The following MSI2 variants were observed in gnomAD, a reference collection of about 807,000 sequenced individuals.
The protein encoded by MSI2 is musashi RNA binding protein 2, also known as RNA-binding protein Musashi homolog 2.
MSI2 carries 17 observed loss-of-function variants against 45.6 expected under a neutral mutation model. The observed-to-expected ratio is 0.37, with a 90% CI of 0.26 to 0.56. MSI2 has a LOEUF of 0.56. Among genes scored for constraint, MSI2 ranks in the 20% least tolerant of loss-of-function variants. The pLI is 0.77. For synonymous variants in MSI2, 156 were observed against 158.2 expected, an observed-to-expected ratio of 0.99 and a Z score of 0.11; for missense variants, 293 against 444.2, an observed-to-expected ratio of 0.66 and a Z score of 3.06.
rs1907647233 is a variant in MSI2, at chr17:57,615,970, G to A, written c.538G>A (p.Val180Ile). 1 of 1,611,594 alleles carries A rather than the reference G, an allele frequency of 6.2e-7. No homozygotes were observed. The highest frequency in any genetic ancestry group is 8.5e-7 in the Non-Finnish European group (1 of 1,177,904). Reference protein sequence around the residue: ...IHFHEINNKMVECKKAQPKEV... With the variant: ...IHFHEINNKMIECKKAQPKEV... ...ATTTGTTCGCCTTTCTGTTTAACAG[G>A]TAGAATGTAAGAAAGCTCAGCCGAA... The change falls in exon 9 of 14, where the codon GTA becomes ATA. Residue 180 changes from valine (V) to isoleucine (I), a missense_variant and splice_region_variant. Val to Ile is a conservative substitution (Grantham distance 29, BLOSUM62 3). Transcript: ENST00000284073.
intron 11 of MSI2, among the ~76,000 whole-genome samples, chr17:57,663,635 G>A (rs1012967520): frequency 6.6e-6 from 1 of 152,212 alleles, no homozygotes; most frequent in African/African-American, 2.4e-5. Flanking sequence ...AGAAAAGACA[G>A]ACACACAGCA....
intron 6 of MSI2, among the ~76,000 whole-genome samples, chr17:57,492,519 C>T (rs1223215407): frequency 3.9e-5 from 6 of 152,152 alleles, no homozygotes; most frequent in East Asian, 1.9e-4. Flanking sequence ...CTTCAGCAGC[C>T]GCTGAGTACA....
At chr17:57,429,129 C>T (rs1299105637) in intron 6 of MSI2, among the ~76,000 whole-genome samples, 1 of 152,114 alleles carries the variant, frequency 6.6e-6, no homozygotes, top group Non-Finnish European at 1.5e-5. Flanking sequence ...TGCGTGTCCT[C>T]AGTCTAACCC....
intron 6 of MSI2, among the ~76,000 whole-genome samples, chr17:57,471,030 G>C (rs2085425284): frequency 1.3e-5 from 2 of 152,202 alleles, no homozygotes. Context: ...GCCCAAGGTT[G>C]CTTCTGGCCC....
intron 6 of MSI2, among the ~76,000 whole-genome samples, chr17:57,437,506 C>T (rs1440617644): frequency 6.6e-6 from 1 of 152,074 alleles, no homozygotes; most frequent in Non-Finnish European, 1.5e-5. Flanking sequence ...TGGGGACATG[C>T]CTGGAGGGAC....
intron 7 of MSI2, among the ~76,000 whole-genome samples, chr17:57,594,006 C>G (rs756213144): frequency 6.6e-6 from 1 of 152,190 alleles, no homozygotes; most frequent in African/African-American, 2.4e-5. Flanking sequence ...GAAGGAAGAG[C>G]GGAATCAGTC....
chr17:57,365,354 G>A (rs1917116288), intron 5 of MSI2, among the ~76,000 whole-genome samples: 1 of 152,230 alleles, frequency 6.6e-6, no homozygotes, highest in Admixed American at 6.5e-5. Context: ...CCATTCGTTT[G>A]TTCTACCAAC....
Position 57,652,754 on chromosome 17 carries a change from C to A in MSI2, c.790+593C>A, listed in dbSNP as rs530856351. ...CCAGCTGCCAAGGGAATTGGGCTTT[C>A]TGTCCCATGAGGTTGCTCCAGTCCT... On this transcript the variant is annotated intron_variant, in intron 11 of 13. Transcript: ENST00000284073. This position sits in a 1 kb window ranked among gnomAD's most constrained non-coding sequence, Gnocchi z 4.1. Among the ~76,000 whole-genome samples the A allele has an allele frequency of 6.6e-6, 1 of 152,392 alleles. No individual in the cohort carries two copies. The highest frequency in any genetic ancestry group is 1.5e-5 in the Non-Finnish European group (1 of 68,036).
At chr17:57,371,910 G>GAT (rs1246636039) in intron 5 of MSI2, among the ~76,000 whole-genome samples, 9 of 150,802 alleles carry the variant, frequency 6.0e-5, no homozygotes, top group African/African-American at 2.2e-4. Flanking sequence ...ATATATATGA[G>GAT]ATATATAATC....
intron 5 of MSI2, among the ~76,000 whole-genome samples, chr17:57,317,145 G>T (rs1478871184): frequency 6.6e-6 from 1 of 152,140 alleles, no homozygotes; most frequent in Non-Finnish European, 1.5e-5. Context: ...ATCTCTGATA[G>T]GTTGGAAGAA....
intron 6 of MSI2, among the ~76,000 whole-genome samples, chr17:57,446,094 C>T (rs1344220600): frequency 6.6e-5 from 10 of 151,994 alleles, no homozygotes; most frequent in Non-Finnish European, 1.0e-4. Flanking sequence ...TTACTGATAC[C>T]GATCGGTGCA....
At chr17:57,532,519 GAA>G (rs887756682) in intron 7 of MSI2, among the ~76,000 whole-genome samples, 2 of 152,078 alleles carry the variant, frequency 1.3e-5, no homozygotes, top group South Asian at 4.1e-4. Flanking sequence ...TGAAGAGAGT[GAA>G]AAAAAATTTT....
chr17:57,541,054 A>C (rs1346868398), intron 7 of MSI2, among the ~76,000 whole-genome samples: 1 of 152,174 alleles, frequency 6.6e-6, no homozygotes, highest in Non-Finnish European at 1.5e-5. Flanking sequence ...GCAACTGAGA[A>C]CACAGCCCCC....
At chr17:57,322,934 G>A (rs550295810) in intron 5 of MSI2, among the ~76,000 whole-genome samples, 2 of 152,164 alleles carry the variant, frequency 1.3e-5, no homozygotes, top group African/African-American at 4.8e-5. Flanking sequence ...TGGGAGTTAT[G>A]TGTTGTGTTG....
intron 5 of MSI2, among the ~76,000 whole-genome samples, chr17:57,346,066 A>G (rs1567771170): frequency 1.3e-5 from 2 of 152,104 alleles, no homozygotes; most frequent in East Asian, 1.9e-4. Flanking sequence ...TATCCTGCAA[A>G]TGTTGTTATT....
chr17:57,649,390 A>G (rs1344767233), intron 10 of MSI2, among the ~76,000 whole-genome samples: 1 of 151,408 alleles, frequency 6.6e-6, no homozygotes, highest in African/African-American at 2.4e-5. Context: ...CAACACACAC[A>G]TCCATACACC....
chr17:57,577,813 G>A (rs1205082359), intron 7 of MSI2, among the ~76,000 whole-genome samples: 3 of 152,198 alleles, frequency 2.0e-5, no homozygotes, highest in Non-Finnish European at 4.4e-5. Context: ...GTAGGTGGCT[G>A]AGTAAGTGTT....
At chr17:57,278,034 C>T (rs562616311) in intron 5 of MSI2, 1 of 152,422 alleles carries the variant, frequency 6.6e-6, no homozygotes, top group Non-Finnish European at 1.5e-5. Context: ...ACCCTCTCTA[C>T]AAAAAATACA....
intron 5 of MSI2, among the ~76,000 whole-genome samples, chr17:57,370,695 G>A (rs1007668459): frequency 1.3e-5 from 2 of 152,174 alleles, no homozygotes; most frequent in Admixed American, 6.5e-5. Flanking sequence ...TAACCTCTGT[G>A]AGCTGTGTTT....
Sources: allele counts gnomAD v4.1 joint callset (sites outside exome capture counted in the v4.1 genomes callset), GRCh38; gene constraint gnomAD v4.1.1; non-coding constraint Gnocchi (gnomAD v3.1); transcripts MANE v1.5; gene names NCBI Gene and HGNC (gene_info 2026-07-23, HGNC 2026-07-21).